The following SAMD4A variants were observed in gnomAD, a reference collection of about 807,000 sequenced individuals.
The protein encoded by SAMD4A is protein Smaug homolog 1.
A neutral mutation model predicts 81.3 loss-of-function variants in SAMD4A; 33 were observed. The ratio of observed to expected loss-of-function variants is 0.41; its 90% CI spans 0.31 to 0.54. The LOEUF is 0.54. Among genes scored for constraint, SAMD4A ranks in the 20% least tolerant of loss-of-function variants. SAMD4A has a pLI of 0.37. For synonymous variants in SAMD4A, 389 were observed against 382.1 expected, an observed-to-expected ratio of 1.02 and a Z score of -0.21; for missense variants, 854 against 951.1, an observed-to-expected ratio of 0.90 and a Z score of 1.34.
At chr14:54,630,977 T>C (rs1270434028) in intron 2 of SAMD4A, among the ~76,000 whole-genome samples, 1 of 150,962 alleles carries the variant, frequency 6.6e-6, no homozygotes, top group Admixed American at 6.6e-5. Flanking sequence ...GGCTCACATG[T>C]GTATGAAGGC....
At chr14:54,762,832 A>G (rs920546827) in intron 7 of SAMD4A, among the ~76,000 whole-genome samples, 8 of 151,476 alleles carry the variant, frequency 5.3e-5, no homozygotes, top group Admixed American at 2.6e-4. Context: ...AAACTTCATC[A>G]TCATACATAA....
intron 2 of SAMD4A, among the ~76,000 whole-genome samples, chr14:54,630,443 C>T (rs955515911): frequency 6.6e-6 from 1 of 152,168 alleles, no homozygotes; most frequent in African/African-American, 2.4e-5. Flanking sequence ...GTGATGTTGG[C>T]CATCGTCCCA....
intron 2 of SAMD4A, among the ~76,000 whole-genome samples, chr14:54,698,160 C>G (rs1449598337): frequency 2.6e-5 from 4 of 152,122 alleles, no homozygotes; most frequent in African/African-American, 9.7e-5. Context: ...TATTTTAAAC[C>G]ACAATAGGTA....
chr14:54,631,240 A>C (rs2034898121), intron 2 of SAMD4A, among the ~76,000 whole-genome samples: 1 of 152,082 alleles, frequency 6.6e-6, no homozygotes, highest in Non-Finnish European at 1.5e-5. Flanking sequence ...CACATTATGG[A>C]TGGCACCCTG....
At chr14:54,592,161 AT>A (rs1013912139) in intron 2 of SAMD4A, among the ~76,000 whole-genome samples, 3 of 151,398 alleles carry the variant, frequency 2.0e-5, no homozygotes, top group Admixed American at 6.6e-5. Flanking sequence ...GTGACTTTCT[AT>A]TTTTTTGAAC....
intron 2 of SAMD4A, chr14:54,687,209 G>C (rs946853436): frequency 2.6e-6 from 1 of 379,428 alleles, no homozygotes; most frequent in African/African-American, 2.1e-5. Context: ...TCTCAGCACT[G>C]TTCCTCTTAA....
Position 54,661,963 on chromosome 14 carries a change from G to T in SAMD4A, c.197-40099G>T, listed in dbSNP as rs116932463. 1.1e-4 allele frequency among the ~76,000 whole-genome samples: 17 copies of T among 152,314 alleles called. No individual in the cohort carries two copies. The East Asian group carries it at 3.3e-3, about 29-fold the overall frequency. On this transcript the variant is annotated intron_variant, in intron 2 of 12. Transcript: ENST00000554335. Reference sequence around the variant, plus strand: ...TGGAAAAAAAAAAATATGTTGAGCAGGTATTGAGATTGGCAGCCGCCATTC... The same window carrying T: ...TGGAAAAAAAAAAATATGTTGAGCATGTATTGAGATTGGCAGCCGCCATTC...
At chr14:54,770,256 T>C in intron 9 of SAMD4A, 34 bp downstream of exon 9, 1 of 1,426,644 alleles carries the variant, frequency 7.0e-7, no homozygotes. Flanking sequence ...TAATGCGTAG[T>C]GGTTCCCCTG....
chr14:54,733,526 T>C (rs1224970877), intron 3 of SAMD4A, among the ~76,000 whole-genome samples: 4 of 152,190 alleles, frequency 2.6e-5, no homozygotes, highest in Non-Finnish European at 5.9e-5. Flanking sequence ...ATGCTGTCCC[T>C]CTACCCACAC....
At chr14:54,772,282 A>G (rs919903236) in intron 9 of SAMD4A, among the ~76,000 whole-genome samples, 40 of 152,234 alleles carry the variant, frequency 2.6e-4, no homozygotes, top group African/African-American at 9.2e-4. Flanking sequence ...AGAGAATGAG[A>G]AAGGAAAACT....
chr14:54,784,736 G>C, intron 12 of SAMD4A, 116 bp downstream of exon 12: 1 of 891,796 alleles, frequency 1.1e-6, no homozygotes, highest in Non-Finnish European at 1.9e-6. Flanking sequence ...AGGACAAGGA[G>C]GGGTAGGCAG....
intron 2 of SAMD4A, among the ~76,000 whole-genome samples, chr14:54,675,492 C>T (rs2035974665): frequency 6.6e-6 from 1 of 151,628 alleles, no homozygotes; most frequent in Non-Finnish European, 1.5e-5. Flanking sequence ...TATTCCTTAG[C>T]TATGCTTTAG....
chr14:54,617,463 ATCTT>A (rs1245183342), intron 2 of SAMD4A, among the ~76,000 whole-genome samples: 3 of 126,058 alleles, frequency 2.4e-5, no homozygotes, highest in African/African-American at 5.7e-5. Context: ...TAAGGAGAGA[ATCTT>A]TCCCTTTTTT....
At chr14:54,626,720 G>A (rs1440966317) in intron 2 of SAMD4A, among the ~76,000 whole-genome samples, 1 of 152,108 alleles carries the variant, frequency 6.6e-6, no homozygotes, top group African/African-American at 2.4e-5. Flanking sequence ...GGATATACAA[G>A]CAGGAGAACA....
chr14:54,627,234 T>TA (rs1333630200), intron 2 of SAMD4A, among the ~76,000 whole-genome samples: 1 of 152,104 alleles, frequency 6.6e-6, no homozygotes, highest in Non-Finnish European at 1.5e-5. Context: ...GGACAGAAAG[T>TA]AAAGAGAATC....
chr14:54,574,621 C>T (rs531951780), intron 2 of SAMD4A, among the ~76,000 whole-genome samples: 134 of 152,232 alleles, frequency 8.8e-4, no homozygotes, highest in African/African-American at 3.1e-3. Flanking sequence ...TTTAAAGATA[C>T]GAAAATGGAA....
chr14:54,748,558 C>T (rs1165953490), intron 4 of SAMD4A, among the ~76,000 whole-genome samples: 1 of 152,090 alleles, frequency 6.6e-6, no homozygotes, highest in African/African-American at 2.4e-5. Context: ...TTCTGAATGC[C>T]CTGAAGCTCA....
chr14:54,642,672 A>T (rs915137758), intron 2 of SAMD4A, among the ~76,000 whole-genome samples: 2 of 152,172 alleles, frequency 1.3e-5, no homozygotes, highest in Non-Finnish European at 2.9e-5. Flanking sequence ...GGAATGAAAG[A>T]TCCCGTTGAG....
chr14:54,617,851 G>T (rs186291444), intron 2 of SAMD4A, among the ~76,000 whole-genome samples: 62 of 152,300 alleles, frequency 4.1e-4, no homozygotes, highest in Admixed American at 1.2e-3. Flanking sequence ...CCTTATTTTA[G>T]CCGTGATATA....
Sources: gnomAD v4.1 joint callset for allele counts (sites outside exome capture counted in the v4.1 genomes callset) on GRCh38, gnomAD v4.1.1 for gene constraint, MANE v1.5 for transcripts, NCBI Gene and HGNC (gene_info 2026-07-23, HGNC 2026-07-21) for gene names.